Variants in KIF6 observed in about 807,000 individuals in gnomAD.
KIF6 encodes kinesin family member 6, also known as kinesin-like protein KIF6.
KIF6 carries 106 observed loss-of-function variants against 112.7 expected under a neutral mutation model. That is an observed-to-expected ratio of 0.94 (90% CI 0.80 to 1.11). The LOEUF is 1.11. KIF6 is among the 50% of genes least tolerant of loss of function. KIF6 has a pLI of 0.00. For synonymous variants in KIF6, 339 were observed against 339.9 expected (o/e 1.00, Z 0.03); for missense variants, 929 against 964.0 (o/e 0.96, Z 0.48).
At chr6:39,600,325 C>G (rs903858810) in intron 6 of KIF6, among the ~76,000 whole-genome samples, 5 of 152,128 alleles carry the variant, frequency 3.3e-5, no homozygotes, top group African/African-American at 1.2e-4. Context: ...AGAGCTTTCA[C>G]GTTTCCTATT....
At chr6:39,491,353 A>C (rs913478361) in intron 13 of KIF6, among the ~76,000 whole-genome samples, 6 of 152,072 alleles carry the variant, frequency 3.9e-5, no homozygotes, top group African/African-American at 1.4e-4. Flanking sequence ...TTTTCCAGCA[A>C]ATTCTCTTCA....
chr6:39,556,073 A>G (rs766364684), intron 10 of KIF6, among the ~76,000 whole-genome samples: 15 of 152,202 alleles, frequency 9.9e-5, no homozygotes, highest in Non-Finnish European at 1.6e-4. Context: ...CAAGTGAGTA[A>G]AGATCATGCC....
At chr6:39,585,861 C>T (rs1396274405) in intron 8 of KIF6, among the ~76,000 whole-genome samples, 1 of 152,182 alleles carries the variant, frequency 6.6e-6, no homozygotes, top group Non-Finnish European at 1.5e-5. Flanking sequence ...TTGCTTCACT[C>T]AGCAACATTT....
At chr6:39,409,825 T>C (rs1306988009) in intron 15 of KIF6, among the ~76,000 whole-genome samples, 1 of 152,218 alleles carries the variant, frequency 6.6e-6, no homozygotes, top group African/African-American at 2.4e-5. Context: ...TCCAGAGTAG[T>C]TGACAAGAGA....
chr6:39,506,144 C>T (rs1776414850), intron 13 of KIF6, among the ~76,000 whole-genome samples: 1 of 152,160 alleles, frequency 6.6e-6, no homozygotes. Context: ...AAATATGGCA[C>T]ATATACACCA....
chr6:39,625,717 A>T (rs768769938), intron 5 of KIF6, among the ~76,000 whole-genome samples: 1 of 152,178 alleles, frequency 6.6e-6, no homozygotes, highest in Non-Finnish European at 1.5e-5. Flanking sequence ...TGCATGCCTC[A>T]TCTAAAAGCA....
rs556238407 is a variant in KIF6, at chr6:39,376,310, CG to C, written c.1861+9311del. ...CTCCCATGTCTCCGCACCAAGGTTG[CG>C]AGTGTTTTCTGCATGTCTGAAGGAA... is the stretch of plus-strand genomic sequence containing the variant. On this transcript the variant is annotated intron_variant, in intron 16 of 22. Coordinates refer to ENST00000287152, the MANE Select transcript of KIF6 (RefSeq NM_145027.6). Among the ~76,000 whole-genome samples, 26 of 152,270 alleles carry C rather than the reference CG, an allele frequency of 1.7e-4. No homozygotes were observed. The East Asian group carries it at 4.4e-3, about 26-fold the overall frequency.
chr6:39,595,206 C>A (rs980660114), intron 7 of KIF6, among the ~76,000 whole-genome samples: 1 of 152,174 alleles, frequency 6.6e-6, no homozygotes, highest in South Asian at 2.1e-4. Context: ...ATGTTCCCAT[C>A]GTTAATCTAC....
chr6:39,622,208 A>T (rs1244392889), intron 5 of KIF6, among the ~76,000 whole-genome samples: 1 of 151,850 alleles, frequency 6.6e-6, no homozygotes, highest in Non-Finnish European at 1.5e-5. Flanking sequence ...CCTATTTCCA[A>T]CTGTTTTTTA....
chr6:39,398,068 C>A (rs1162118009), intron 15 of KIF6, among the ~76,000 whole-genome samples: 1 of 152,082 alleles, frequency 6.6e-6, no homozygotes, highest in Admixed American at 6.5e-5. Context: ...ATACAGAGCC[C>A]ATTATGATGA....
At chr6:39,629,662 C>A (rs1446290633) in intron 5 of KIF6, among the ~76,000 whole-genome samples, 1 of 151,972 alleles carries the variant, frequency 6.6e-6, no homozygotes, top group Non-Finnish European at 1.5e-5. Context: ...TTAACAGTGT[C>A]TTTCACAGAA....
In KIF6 at chr6:39,544,214, G is replaced by A. The variant is rs547905548; in HGVS notation, c.1426+341C>T. Among the ~76,000 whole-genome samples the A allele has an allele frequency of 3.9e-5, 6 of 152,026 alleles. No homozygotes were observed. The East Asian group carries it at 9.7e-4, about 24-fold the overall frequency. Reference sequence around the variant, plus strand: ...GATAACCAGCTAACTTACTGGCTCAGGGCTAACACAAAGAGAACACAACAG... The same window carrying A: ...GATAACCAGCTAACTTACTGGCTCAAGGCTAACACAAAGAGAACACAACAG... On this transcript the variant is annotated intron_variant, in intron 12 of 22. Coordinates refer to ENST00000287152, the MANE Select transcript of KIF6 (RefSeq NM_145027.6).
At position 39,529,148 on chromosome 6, in the gene KIF6, A is replaced by G. The variant is rs534634853; in HGVS notation, c.1645+10855T>C. 3.9e-5 allele frequency among the ~76,000 whole-genome samples: 6 copies of G among 152,352 alleles called. 1 individual carries two copies. In the South Asian group the frequency reaches 1.2e-3, roughly 32 times the overall value. ...CGGATGCTTATCTCACACCATATTCAGAAATCAACTCAAAATGGACTAAAG... is the reference window on the plus strand; with the variant it reads ...CGGATGCTTATCTCACACCATATTCGGAAATCAACTCAAAATGGACTAAAG... On this transcript the variant is annotated intron_variant, in intron 13 of 22. Transcript: ENST00000287152.
At chr6:39,597,446 A>G (rs1340065412) in intron 6 of KIF6, among the ~76,000 whole-genome samples, 2 of 152,242 alleles carry the variant, frequency 1.3e-5, no homozygotes, top group Non-Finnish European at 2.9e-5. Context: ...GCAGACAGCT[A>G]GGTCAGTGAG....
chr6:39,676,404 A>G (rs1183604181), intron 3 of KIF6, among the ~76,000 whole-genome samples: 1 of 152,172 alleles, frequency 6.6e-6, no homozygotes, highest in Non-Finnish European at 1.5e-5. Context: ...ATAAATAATG[A>G]AAGAGTTAAT....
In KIF6 at chr6:39,453,835, T is replaced by A. The variant is rs1772857461; in HGVS notation, c.1646-22674A>T. On this transcript the variant is annotated intron_variant, in intron 13 of 22. Coordinates refer to ENST00000287152, the MANE Select transcript of KIF6 (RefSeq NM_145027.6). ...GGTATTTAAAAATATTCCTTAATTATTAAAATTTTCTTCTCTGGCTTCTTG... is the reference window on the plus strand; with the variant it reads ...GGTATTTAAAAATATTCCTTAATTAATAAAATTTTCTTCTCTGGCTTCTTG... Among the ~76,000 whole-genome samples the A allele has an allele frequency of 2.0e-5, 3 of 152,342 alleles. No individual in the cohort carries two copies. In the South Asian group the frequency reaches 6.2e-4, roughly 32 times the overall value.
At chr6:39,631,062 T>C (rs1004763534) in intron 5 of KIF6, among the ~76,000 whole-genome samples, 1 of 152,112 alleles carries the variant, frequency 6.6e-6, no homozygotes, top group African/African-American at 2.4e-5. Context: ...CATTTTTGAA[T>C]ATAATCTGCT....
intron 13 of KIF6, among the ~76,000 whole-genome samples, chr6:39,458,335 A>C (rs1489610859): frequency 6.7e-6 from 1 of 149,816 alleles, no homozygotes. Flanking sequence ...TTCATGCTAA[A>C]AACTCTCAAT....
intron 3 of KIF6, among the ~76,000 whole-genome samples, chr6:39,647,687 T>C (rs1379652889): frequency 1.3e-5 from 2 of 151,090 alleles, no homozygotes; most frequent in East Asian, 3.9e-4. Flanking sequence ...GGAACCTAGG[T>C]CAAACAGTGA....
Sources: allele counts gnomAD v4.1 joint callset (sites outside exome capture counted in the v4.1 genomes callset), GRCh38; gene constraint gnomAD v4.1.1; transcripts MANE v1.5; gene names NCBI Gene and HGNC (gene_info 2026-07-23, HGNC 2026-07-21).